Variants in PEAK1 observed in about 807,000 individuals in gnomAD.
PEAK1 encodes inactive tyrosine-protein kinase PEAK1.
PEAK1 carries 54 observed loss-of-function variants against 124.7 expected under a neutral mutation model. The ratio of observed to expected loss-of-function variants is 0.43; its 90% CI spans 0.35 to 0.54. The LOEUF (loss-of-function observed/expected upper bound fraction) is 0.54, where lower values mean the gene tolerates loss of function less well. Among genes scored for constraint, PEAK1 ranks in the 20% least tolerant of loss-of-function variants. The pLI, the probability that PEAK1 is intolerant of heterozygous loss-of-function variation, is 0.01. For missense variants in PEAK1, 2,046 were observed against 2,134.5 expected, an observed-to-expected ratio of 0.96 and a Z score of 0.82; for synonymous variants, 719 against 760.0, an observed-to-expected ratio of 0.95 and a Z score of 0.89.
At position 77,180,648 on chromosome 15, in the gene PEAK1, T is replaced by C. The variant is rs1219670035; in HGVS notation, c.1279A>G (p.Lys427Glu). 13 of 1,614,208 alleles carry C rather than the reference T, an allele frequency of 8.1e-6. No individual in the cohort carries two copies. The highest frequency in any genetic ancestry group is 1.0e-5 in the Non-Finnish European group (12 of 1,180,014). ...TCCTTCTCAGTTTGTACAGCAATCTTGCCATCTTTCTCTTCTAATCGGAGA... is the reference window on the plus strand; with the variant it reads ...TCCTTCTCAGTTTGTACAGCAATCTCGCCATCTTTCTCTTCTAATCGGAGA... ...LALRLEEKDG[K>E]IAVQTEKEES... The change falls in exon 7 of 10, where the codon AAG (lysine) becomes GAG (glutamate). Residue 427 changes from lysine (K) to glutamate (E), a missense_variant. Transcript: ENST00000682557.
chr15:77,411,037 C>A (rs1160246914), intron 1 of PEAK1, among the ~76,000 whole-genome samples: 1 of 151,904 alleles, frequency 6.6e-6, no homozygotes, highest in Non-Finnish European at 1.5e-5. Context: ...CTTTGGTTTA[C>A]CAGGCTACAT....
At chr15:77,418,278 G>A (rs2073053819) in intron 1 of PEAK1, 1 of 985,244 alleles carries the variant, frequency 1.0e-6, no homozygotes, top group Non-Finnish European at 1.2e-6. Context: ...AGTTGGGACA[G>A]GAGATGGGGG....
chr15:77,337,213 T>C (rs1281880129), intron 2 of PEAK1: 22 of 981,834 alleles, frequency 2.2e-5, no homozygotes, highest in Admixed American at 6.3e-5. Context: ...CCAAATAAAC[T>C]CAGCCAAGAC....
At chr15:77,134,336 T>C (rs1351035231) in intron 8 of PEAK1, among the ~76,000 whole-genome samples, 1 of 152,244 alleles carries the variant, frequency 6.6e-6, no homozygotes, top group Non-Finnish European at 1.5e-5. Context: ...GCTATTTATT[T>C]TACTATAGAG....
chr15:77,312,346 G>A (rs892643192), intron 2 of PEAK1, among the ~76,000 whole-genome samples: 29 of 152,252 alleles, frequency 1.9e-4, no homozygotes, highest in Admixed American at 1.9e-3. Context: ...TTAAACCTGG[G>A]TTCAGAGAGT....
intron 8 of PEAK1, 82 bp downstream of exon 8, chr15:77,158,421 C>T: frequency 7.8e-7 from 1 of 1,285,870 alleles, no homozygotes. Context: ...CAATAAAAAC[C>T]ATCTCTCCAA....
chr15:77,225,662 T>G (rs868262900), intron 6 of PEAK1, among the ~76,000 whole-genome samples: 1 of 59,686 alleles, frequency 1.7e-5, no homozygotes, highest in Non-Finnish European at 3.8e-5. Context: ...TGTGTGTGTA[T>G]AATTTATATA....
intron 6 of PEAK1, among the ~76,000 whole-genome samples, chr15:77,214,099 A>G (rs1160220707): frequency 2.6e-5 from 4 of 152,136 alleles, no homozygotes; most frequent in Non-Finnish European, 5.9e-5. Flanking sequence ...TCTTGTGTGT[A>G]TCATTATTTC....
chr15:77,377,494 C>G (rs1395045965), intron 1 of PEAK1, among the ~76,000 whole-genome samples: 1 of 150,900 alleles, frequency 6.6e-6, no homozygotes, highest in East Asian at 1.9e-4. Flanking sequence ...ACTCTGTTGC[C>G]CAGGCTGGAG....
chr15:77,150,582 T>A (rs942801212), intron 8 of PEAK1, among the ~76,000 whole-genome samples: 1 of 152,124 alleles, frequency 6.6e-6, no homozygotes, highest in African/African-American at 2.4e-5. Flanking sequence ...TACATATGTA[T>A]ACATGTGCCA....
intron 2 of PEAK1, among the ~76,000 whole-genome samples, chr15:77,317,080 C>CAAAT (rs967665280): frequency 9.9e-5 from 15 of 151,778 alleles, no homozygotes; most frequent in Non-Finnish European, 1.3e-4. Context: ...GACTCTGTCT[C>CAAAT]AAATAAATAA....
chr15:77,280,561 T>C (rs993809599), intron 5 of PEAK1, among the ~76,000 whole-genome samples: 2 of 129,312 alleles, frequency 1.5e-5, no homozygotes, highest in Admixed American at 7.6e-5. Context: ...ATCAAATGAT[T>C]TCCTTTTTTT....
intron 9 of PEAK1, among the ~76,000 whole-genome samples, chr15:77,117,351 T>C (rs1266037151): frequency 6.6e-6 from 1 of 152,220 alleles, no homozygotes; most frequent in Non-Finnish European, 1.5e-5. Flanking sequence ...AAGGAGACAA[T>C]ATGAAGAACA....
At chr15:77,375,804 G>C (rs2068964411) in intron 1 of PEAK1, among the ~76,000 whole-genome samples, 1 of 152,000 alleles carries the variant, frequency 6.6e-6, no homozygotes, top group African/African-American at 2.4e-5. Flanking sequence ...GACCATCCTG[G>C]CTAACACGGT....
At chr15:77,278,130 T>C (rs2062435626) in intron 5 of PEAK1, among the ~76,000 whole-genome samples, 1 of 152,150 alleles carries the variant, frequency 6.6e-6, no homozygotes, top group African/African-American at 2.4e-5. Flanking sequence ...GATATCTCTG[T>C]ATCTTTTTCT....
At chr15:77,132,865 C>G (rs1162110212) in intron 9 of PEAK1, 140 bp downstream of exon 9, 3 of 767,164 alleles carry the variant, frequency 3.9e-6, no homozygotes, top group Admixed American at 2.9e-5. Context: ...CCTGCTTAAT[C>G]TAGTATCTGG....
intron 7 of PEAK1, among the ~76,000 whole-genome samples, chr15:77,164,076 CA>C (rs1302770362): frequency 6.6e-6 from 1 of 152,154 alleles, no homozygotes; most frequent in Non-Finnish European, 1.5e-5. Context: ...CAAAACAAAA[CA>C]AAACACTCCC....
chr15:77,360,146 GC>G (rs1024461885), intron 2 of PEAK1, among the ~76,000 whole-genome samples: 40 of 152,284 alleles, frequency 2.6e-4, no homozygotes, highest in African/African-American at 9.4e-4. Context: ...CTTTAAGGGT[GC>G]CAAGATAATC....
At chr15:77,229,295 T>C (rs1487961978) in intron 6 of PEAK1, among the ~76,000 whole-genome samples, 1 of 152,210 alleles carries the variant, frequency 6.6e-6, no homozygotes, top group Non-Finnish European at 1.5e-5. Context: ...AGAGACATCC[T>C]TACTCTAAGA....
Sources: allele counts gnomAD v4.1 joint callset (sites outside exome capture counted in the v4.1 genomes callset), GRCh38; gene constraint gnomAD v4.1.1; transcripts MANE v1.5; gene names NCBI Gene and HGNC (gene_info 2026-07-23, HGNC 2026-07-21).